The following WNT2B variants were observed in gnomAD, a reference collection of about 807,000 sequenced individuals.
WNT2B encodes Wnt family member 2B.
In WNT2B, 19 loss-of-function variants were observed where a neutral mutation model predicts 40.5. The ratio of observed to expected loss-of-function variants is 0.47; its 90% CI spans 0.33 to 0.69. The LOEUF (loss-of-function observed/expected upper bound fraction) is 0.69, where lower values mean the gene tolerates loss of function less well. Among genes scored for constraint, WNT2B ranks in the 30% least tolerant of loss-of-function variants. The probability of loss-of-function intolerance (pLI) is 0.02; values close to 1 mark genes in which losing one functional copy is unlikely to be tolerated. For missense variants in WNT2B, 467 were observed against 556.4 expected, an observed-to-expected ratio of 0.84 and a Z score of 1.62; for synonymous variants, 220 against 211.9, an observed-to-expected ratio of 1.04 and a Z score of -0.33.
chr1:112,475,861 G>A (rs1651041704), intron 1 of WNT2B, among the ~76,000 whole-genome samples: 1 of 152,066 alleles, frequency 6.6e-6, no homozygotes, highest in Non-Finnish European at 1.5e-5. Context: ...CTCAATTAAA[G>A]GCAGAGATTG....
intron 1 of WNT2B, among the ~76,000 whole-genome samples, chr1:112,472,566 A>AG (rs1650913827): frequency 6.6e-6 from 1 of 152,132 alleles, no homozygotes; most frequent in African/African-American, 2.4e-5. Context: ...AATGAAAAAA[A>AG]AAAAAAAAGA....
intron 1 of WNT2B, among the ~76,000 whole-genome samples, chr1:112,487,985 A>G (rs1277707468): frequency 9.9e-5 from 15 of 151,480 alleles, no homozygotes; most frequent in Non-Finnish European, 1.0e-4. Flanking sequence ...GACGACTCAT[A>G]TAAAAAATTT....
In WNT2B at chr1:112,509,309, G is replaced by C. The variant is rs1021042996; in HGVS notation, c.47G>C (p.Arg16Pro). The change falls in exon 1 of 5, where the codon CGG becomes CCG. Residue 16 changes from arginine (R) to proline (P), a missense_variant. Arg to Pro is a moderately radical substitution (Grantham distance 103). This residue lies in a region of WNT2B where 137 missense variants were observed against 117.7 expected (regional missense o/e 1.16). Coordinates refer to ENST00000369684, the MANE Select transcript of WNT2B (RefSeq NM_024494.3). The surrounding 1 kb of genome is among the most constrained non-coding windows in gnomAD (Gnocchi z 4.2). Reference sequence around the variant, plus strand: ...GAGGAAGCTGCGCAGCTCCCGCTTCGGCGCGCCAGCGCCCCGGTCCCTGTG... The same window carrying C: ...GAGGAAGCTGCGCAGCTCCCGCTTCCGCGCGCCAGCGCCCCGGTCCCTGTG... ...GAEEAAQLPLRRASAPVPVPS... is the reference protein window; with the variant it reads ...GAEEAAQLPLPRASAPVPVPS... The C allele has an allele frequency of 1.7e-5, 27 of 1,563,500 alleles. No individual in the cohort carries two copies. The highest frequency in any genetic ancestry group is 2.8e-5 in the African/African-American group (2 of 72,556).
intron 4 of WNT2B, 65 bp downstream of exon 4, chr1:112,517,450 C>A: frequency 6.5e-7 from 1 of 1,542,070 alleles, no homozygotes; most frequent in South Asian, 1.2e-5. Flanking sequence ...CCTGGTTAAT[C>A]ATGGTCTGTT....
In WNT2B at chr1:112,522,240, G is replaced by A. The variant is rs1274085433; in HGVS notation, c.*1731G>A. The A allele has an allele frequency of 1.3e-5, 2 of 152,140 alleles. No homozygotes were observed. Among genetic ancestry groups the A allele is most frequent in the Non-Finnish European group, 2.9e-5 (2 of 68,086 alleles). The allele number at this position is 152,140 out of a possible 1,614,324, so 9.4% of individuals were successfully genotyped here. On this transcript the variant is annotated 3_prime_UTR_variant, in exon 5 of 5. Transcript: ENST00000369684. The stretch of plus-strand genomic sequence containing the variant: ...GAGATGGAGCTCACTATGTTGCCCA[G>A]GCTGGTCTTGAATTCTTGGTCTCAA...
intron 1 of WNT2B, among the ~76,000 whole-genome samples, chr1:112,490,668 T>G (rs561162047): frequency 1.5e-3 from 228 of 152,138 alleles, no homozygotes; most frequent in Non-Finnish European, 2.5e-3. Context: ...TTTTTGTATT[T>G]TTAGTAGAGA....
At chr1:112,476,180 C>T (rs534978753) in intron 1 of WNT2B, among the ~76,000 whole-genome samples, 3 of 151,942 alleles carry the variant, frequency 2.0e-5, no homozygotes, top group East Asian at 1.9e-4. Context: ...GAAAATAACA[C>T]ACTACCAAAT....
At chr1:112,479,117 A>C (rs1190103221) in intron 1 of WNT2B, among the ~76,000 whole-genome samples, 1 of 152,046 alleles carries the variant, frequency 6.6e-6, no homozygotes, top group African/African-American at 2.4e-5. Context: ...GCTACTCAGG[A>C]GGCTGAGGCA....
chr1:112,488,202 G>T (rs560348267), intron 1 of WNT2B, among the ~76,000 whole-genome samples: 1 of 152,074 alleles, frequency 6.6e-6, no homozygotes, highest in Admixed American at 6.6e-5. Context: ...GGAGGCTGAG[G>T]CTGGAGAATT....
chr1:112,483,912 G>A (rs971791), intron 1 of WNT2B, among the ~76,000 whole-genome samples: 110,829 of 150,134 alleles, frequency 0.74, 41,057 homozygotes, highest in South Asian at 0.83. Flanking sequence ...TGAAATCATC[G>A]GAGAAATGCA....
intron 1 of WNT2B, among the ~76,000 whole-genome samples, chr1:112,487,092 A>T (rs556009909): frequency 1.3e-5 from 2 of 152,376 alleles, no homozygotes; most frequent in East Asian, 3.8e-4. Context: ...AAGTGAATAG[A>T]TAAGTAAACT....
rs1652991740 is a variant in WNT2B, at chr1:112,523,464, T to C, written c.*2955T>C. 2 of 152,244 alleles carry C rather than the reference T, an allele frequency of 1.3e-5. No individual in the cohort carries two copies. Among genetic ancestry groups the C allele is most frequent in the Admixed American group, 6.5e-5 (1 of 15,282 alleles). 9.4% of individuals were successfully genotyped at this position (152,244 alleles called of 1,614,324 possible). On this transcript the variant is annotated 3_prime_UTR_variant, in exon 5 of 5. Coordinates refer to ENST00000369684, the MANE Select transcript of WNT2B (RefSeq NM_024494.3). ...AGTTCTTAGCTTGCTTCTGCATTGA[T>C]TGGCTTTACACAACTGGCATTTAGT...
chr1:112,501,678 A>G (rs2101074323), intron 1 of WNT2B, among the ~76,000 whole-genome samples: 1 of 152,282 alleles, frequency 6.6e-6, no homozygotes, highest in Non-Finnish European at 1.5e-5. Flanking sequence ...ATGGATAGCT[A>G]TTACCCACAT....
chr1:112,491,053 C>T (rs1018176524), intron 1 of WNT2B: 2 of 1,614,108 alleles, frequency 1.2e-6, no homozygotes, highest in Non-Finnish European at 1.7e-6. Context: ...CATACCTACA[C>T]AGTCAGCGTT....
intron 1 of WNT2B, among the ~76,000 whole-genome samples, chr1:112,477,223 T>C (rs1397555914): frequency 6.6e-6 from 1 of 152,214 alleles, no homozygotes; most frequent in East Asian, 1.9e-4. Context: ...CCTTGGCTGC[T>C]GAGGGCCTCC....
In WNT2B at chr1:112,521,008, T is replaced by C. The variant is rs1300242066; in HGVS notation, c.*499T>C. ...CGAAAGAAAATCTTAGGCTACCACATTCTATTATTGAGAGCCTGAGATGTT... is the reference window on the plus strand; with the variant it reads ...CGAAAGAAAATCTTAGGCTACCACACTCTATTATTGAGAGCCTGAGATGTT... On this transcript the variant is annotated 3_prime_UTR_variant, in exon 5 of 5. Transcript: ENST00000369684. 2 of 159,052 alleles carry C rather than the reference T, an allele frequency of 1.3e-5. No individual in the cohort carries two copies. Among genetic ancestry groups the C allele is most frequent in the African/African-American group, 4.8e-5 (2 of 41,530 alleles). 9.9% of individuals were successfully genotyped at this position (159,052 alleles called of 1,614,324 possible). A position where few individuals can be genotyped will look rare whatever the true frequency, so the allele number is the denominator to read the frequency against.
Position 112,509,212 on chromosome 1 carries a change from G to A in WNT2B, c.-51G>A. The A allele has an allele frequency of 1.4e-6, 2 of 1,454,280 alleles. No individual in the cohort carries two copies. Among genetic ancestry groups the A allele is most frequent in the East Asian group, 2.8e-5 (1 of 35,560 alleles). 90.1% of individuals were successfully genotyped at this position (1,454,280 alleles called of 1,614,324 possible). ...GGAGCAGCCTGAGTACCCCCAGAAG[G>A]TGCCCCGTCCACGCCCCTCCGGGCT... On this transcript the variant is annotated 5_prime_UTR_variant, in exon 1 of 5. It adds an upstream start codon to the 5' untranslated region. Transcript: ENST00000369684. This position sits in a 1 kb window ranked among gnomAD's most constrained non-coding sequence, Gnocchi z 4.2.
intron 1 of WNT2B, among the ~76,000 whole-genome samples, chr1:112,472,177 CCAGGCATGGCCT>C (rs1279219903): frequency 6.6e-6 from 1 of 152,162 alleles, no homozygotes; most frequent in Non-Finnish European, 1.5e-5. Flanking sequence ...AAGGAGAATT[CCAGGCATGGCCT>C]CATGATCTCC....
exon 1 of WNT2B, chr1:112,467,446 T>G (rs1209974137): frequency 5.5e-6 from 4 of 723,894 alleles, no homozygotes; most frequent in African/African-American, 1.7e-5. Flanking sequence ...GCAATGTGGT[T>G]GTAAAATTTG....
Sources: allele counts gnomAD v4.1 joint callset (sites outside exome capture counted in the v4.1 genomes callset), GRCh38; gene constraint gnomAD v4.1.1; regional missense constraint gnomAD v4.1.1; non-coding constraint Gnocchi (gnomAD v3.1); transcripts MANE v1.5; gene names NCBI Gene and HGNC (gene_info 2026-07-23, HGNC 2026-07-21).